The following FRY variants were observed in gnomAD, a reference collection of about 807,000 sequenced individuals.
FRY encodes protein furry homolog.
FRY carries 128 observed loss-of-function variants against 348.4 expected under a neutral mutation model. That is an observed-to-expected ratio of 0.37 (90% confidence interval 0.32 to 0.43). FRY has a LOEUF of 0.43. Among genes scored for constraint, FRY ranks in the 20% least tolerant of loss-of-function variants. The pLI is 1.00. For synonymous variants in FRY, 1,370 were observed against 1,374.7 expected, an observed-to-expected ratio of 1.00 and a Z score of 0.08; for missense variants, 2,736 against 3,695.2, an observed-to-expected ratio of 0.74 and a Z score of 6.73.
chr13:32,106,911 A>G (rs1271381054), intron 3 of FRY, among the ~76,000 whole-genome samples: 1 of 152,192 alleles, frequency 6.6e-6, no homozygotes, highest in African/African-American at 2.4e-5. Flanking sequence ...TTCTCCTCAA[A>G]TTTGCCAGTT....
intron 58 of FRY, among the ~76,000 whole-genome samples, chr13:32,286,134 T>A (rs1385509738): frequency 1.3e-5 from 2 of 152,198 alleles, no homozygotes; most frequent in African/African-American, 4.8e-5. Context: ...GGCAGTCCTT[T>A]AATTACATTT....
chr13:32,122,918 TAACTC>T (rs938992150), intron 4 of FRY, among the ~76,000 whole-genome samples: 1 of 150,900 alleles, frequency 6.6e-6, no homozygotes, highest in East Asian at 1.9e-4. Flanking sequence ...ATCAAATCAA[TAACTC>T]AACCCCTTTT....
intron 1 of FRY, chr13:32,060,935 A>C: frequency 2.7e-6 from 1 of 375,570 alleles, no homozygotes; most frequent in Non-Finnish European, 5.4e-6. Context: ...TTAGCACCTG[A>C]CTAAAAATAC....
intron 58 of FRY, among the ~76,000 whole-genome samples, chr13:32,286,594 G>A (rs183270): frequency 0.68 from 102,269 of 151,056 alleles, 35,448 homozygotes; most frequent in African/African-American, 0.76. Flanking sequence ...AAATACAAAA[G>A]CATTAGCTGG....
At chr13:32,229,135 C>G (rs1885773918) in intron 40 of FRY, among the ~76,000 whole-genome samples, 1 of 152,192 alleles carries the variant, frequency 6.6e-6, no homozygotes, top group Non-Finnish European at 1.5e-5. Context: ...AGTCAGAAAC[C>G]AGAAACAATA....
At chr13:32,287,010 C>A (rs1039735242) in intron 58 of FRY, among the ~76,000 whole-genome samples, 26 of 149,464 alleles carry the variant, frequency 1.7e-4, no homozygotes, top group Non-Finnish European at 2.4e-4. Context: ...AAAAAAAAAT[C>A]AAAAATTAGC....
chr13:32,241,318 A>G (rs1466558350), intron 46 of FRY, among the ~76,000 whole-genome samples: 1 of 152,238 alleles, frequency 6.6e-6, no homozygotes, highest in Non-Finnish European at 1.5e-5. Flanking sequence ...ACAAGGGAGT[A>G]TTATTCAGGA....
intron 7 of FRY, among the ~76,000 whole-genome samples, chr13:32,127,703 C>G (rs937788662): frequency 7.2e-5 from 11 of 151,970 alleles, no homozygotes; most frequent in African/African-American, 2.2e-4. Flanking sequence ...CGCTTGAACC[C>G]GGGAGGCGGA....
chr13:32,177,602 A>AATAAATAC (rs1209188385), intron 20 of FRY, among the ~76,000 whole-genome samples: 2 of 151,792 alleles, frequency 1.3e-5, no homozygotes, highest in Non-Finnish European at 2.9e-5. Context: ...TCGATAAATA[A>AATAAATAC]ATAAATAAAT....
Position 32,200,147 on chromosome 13 carries a change from G to A in FRY, c.3747-1794G>A, listed in dbSNP as rs189384923. Among the ~76,000 whole-genome samples the A allele has an allele frequency of 2.7e-3, 408 of 152,160 alleles. 5 individuals carry two copies. The highest frequency in any genetic ancestry group is 9.2e-3 in the African/African-American group (381 of 41,520). On this transcript the variant is annotated intron_variant, in intron 29 of 60. Transcript: ENST00000542859. The stretch of plus-strand genomic sequence containing the variant: ...ATGAATAGATTAATCCATTCATGAG[G>A]GCAGTCTCATGACCCAGTCACTACT...
At chr13:32,223,894 A>G (rs1032841040) in intron 36 of FRY, among the ~76,000 whole-genome samples, 1 of 151,688 alleles carries the variant, frequency 6.6e-6, no homozygotes, top group African/African-American at 2.4e-5. Context: ...ATGCCTGGCT[A>G]TTTTGTGTGT....
chr13:32,224,644 G>GACTGT, intron 37 of FRY, among the ~76,000 whole-genome samples: 1 of 152,276 alleles, frequency 6.6e-6, no homozygotes, highest in East Asian at 1.9e-4. Flanking sequence ...ATGCTTTTTA[G>GACTGT]ACTGTAAGCA....
intron 47 of FRY, among the ~76,000 whole-genome samples, chr13:32,246,673 G>C (rs1256135272): frequency 6.6e-6 from 1 of 152,222 alleles, no homozygotes; most frequent in Non-Finnish European, 1.5e-5. Context: ...ATGCACTTAA[G>C]GGCTGCAAGC....
rs1304293084 is a variant in FRY, at chr13:32,047,586, G to GC, written c.70+15721_70+15722insC. 2.4e-4 allele frequency among the ~76,000 whole-genome samples: 35 copies of GC among 148,778 alleles called. 1 individual carries two copies. Among genetic ancestry groups the GC allele is most frequent in the Admixed American group, 1.7e-3 (25 of 14,826 alleles). On this transcript the variant is annotated intron_variant, in intron 1 of 60. Transcript: ENST00000542859. ...TCTTTTCTTTTCTTTTTTTTTGGGG[G>GC]GGGTGCAGAGTTTCACTCTTGTTGC...
At position 32,297,414 on chromosome 13, in the gene FRY, GA is replaced by G. The variant is rs2072080107; in HGVS notation, c.*1957del. On this transcript the variant is annotated 3_prime_UTR_variant, in exon 61 of 61. Coordinates refer to ENST00000542859, the MANE Select transcript of FRY (RefSeq NM_023037.3). ...GAGAGTTTTGTTGGGAGCCACAGTAGAAAGAACAGATTCGTCATGAACTGAG... is the reference window on the plus strand; with the variant it reads ...GAGAGTTTTGTTGGGAGCCACAGTAGAAGAACAGATTCGTCATGAACTGAG... 6.6e-6 allele frequency: 1 copy of G among 151,250 alleles called. No individual in the cohort carries two copies. Among genetic ancestry groups the G allele is most frequent in the South Asian group, 2.1e-4 (1 of 4,794 alleles). 9.4% of individuals were successfully genotyped at this position (151,250 alleles called of 1,614,324 possible). A position where few individuals can be genotyped will look rare whatever the true frequency, so the allele number is the denominator to read the frequency against.
At chr13:32,071,698 C>T (rs968943469) in intron 1 of FRY, among the ~76,000 whole-genome samples, 3 of 151,972 alleles carry the variant, frequency 2.0e-5, no homozygotes, top group Admixed American at 6.6e-5. Flanking sequence ...GGAATCCAAA[C>T]GTAGAATGGT....
At chr13:32,140,191 G>C (rs1180423174) in intron 11 of FRY, among the ~76,000 whole-genome samples, 1 of 152,126 alleles carries the variant, frequency 6.6e-6, no homozygotes, top group East Asian at 1.9e-4. Context: ...ATTATGAGCA[G>C]GTGAGTGGTA....
intron 7 of FRY, among the ~76,000 whole-genome samples, chr13:32,126,468 G>A (rs1879025762): frequency 6.6e-6 from 1 of 152,228 alleles, no homozygotes; most frequent in South Asian, 2.1e-4. Context: ...CCAAGTCAGT[G>A]TTTGCTTGCC....
intron 58 of FRY, among the ~76,000 whole-genome samples, chr13:32,284,529 T>C (rs1300259745): frequency 1.3e-5 from 2 of 152,208 alleles, no homozygotes; most frequent in Non-Finnish European, 2.9e-5. Context: ...TTGAAAAAAG[T>C]GAATGTCTCA....
Sources: gnomAD v4.1 joint callset for allele counts (sites outside exome capture counted in the v4.1 genomes callset) on GRCh38, gnomAD v4.1.1 for gene constraint, MANE v1.5 for transcripts, NCBI Gene and HGNC (gene_info 2026-07-23, HGNC 2026-07-21) for gene names.